The following CCDC171 variants were observed in gnomAD, a reference collection of about 807,000 sequenced individuals.
CCDC171 encodes the protein coiled-coil domain containing 171.
CCDC171 carries 177 observed loss-of-function variants against 168.2 expected under a neutral mutation model. That is an observed-to-expected ratio of 1.05 (90% CI 0.93 to 1.19). The LOEUF (loss-of-function observed/expected upper bound fraction) is 1.19, where lower values mean the gene tolerates loss of function less well. CCDC171 is among the 50% of genes most tolerant of loss of function. The pLI, the probability that CCDC171 is intolerant of heterozygous loss-of-function variation, is 0.00. For missense variants in CCDC171, 1,991 were observed against 1,539.0 expected (o/e 1.29, Z -4.91); for synonymous variants, 687 against 540.8 (o/e 1.27, Z -3.75).
intron 6 of CCDC171, among the ~76,000 whole-genome samples, chr9:15,597,116 T>A (rs2042431350): frequency 6.6e-6 from 1 of 152,062 alleles, no homozygotes; most frequent in Non-Finnish European, 1.5e-5. Flanking sequence ...CTTCCTCTTT[T>A]CCTAATTGAA....
chr9:15,591,224 C>T (rs948851175), intron 4 of CCDC171, 142 bp from the exon 5 acceptor site: 9 of 542,914 alleles, frequency 1.7e-5, no homozygotes, highest in Non-Finnish European at 2.6e-5. Flanking sequence ...GAAAGGTTTT[C>T]AAGAGTTTAC....
chr9:16,021,702 A>T (rs768686757), intron 4 of CCDC171, among the ~76,000 whole-genome samples: 2 of 152,252 alleles, frequency 1.3e-5, no homozygotes, highest in Non-Finnish European at 2.9e-5. Flanking sequence ...CAGAGTGGGT[A>T]TTCAATAAAT....
intron 21 of CCDC171, among the ~76,000 whole-genome samples, chr9:15,801,063 C>T (rs1372118209): frequency 6.6e-6 from 1 of 151,572 alleles, no homozygotes; most frequent in Non-Finnish European, 1.5e-5. Context: ...CAGTTTTGTT[C>T]TTTTTGCTCA....
intron 24 of CCDC171, among the ~76,000 whole-genome samples, chr9:15,902,001 C>G (rs1198144730): frequency 6.6e-6 from 1 of 152,026 alleles, no homozygotes; most frequent in African/African-American, 2.4e-5. Context: ...ATGCAATTTT[C>G]TTTCAAAAAA....
intron 3 of CCDC171, among the ~76,000 whole-genome samples, chr9:15,573,338 C>G (rs1301637093): frequency 6.6e-6 from 1 of 152,016 alleles, no homozygotes; most frequent in African/African-American, 2.4e-5. Flanking sequence ...TGCAGTGGAG[C>G]GATCTCGGCT....
chr9:15,611,768 C>G (rs543948843), intron 6 of CCDC171, among the ~76,000 whole-genome samples: 11 of 152,254 alleles, frequency 7.2e-5, no homozygotes, highest in East Asian at 3.9e-4. Context: ...GTGTAAAGTA[C>G]TGGTTATAGA....
intron 4 of CCDC171, among the ~76,000 whole-genome samples, chr9:15,585,328 TG>T (rs561967442): frequency 2.5e-4 from 38 of 152,250 alleles, no homozygotes; most frequent in African/African-American, 8.4e-4. Flanking sequence ...GGTCCAAAGT[TG>T]GGGAAAAAGA....
chr9:16,024,649 C>G (rs1279862848), intron 6 of CCDC171, among the ~76,000 whole-genome samples: 1 of 152,164 alleles, frequency 6.6e-6, no homozygotes, highest in Non-Finnish European at 1.5e-5. Flanking sequence ...AGCCAGCAAC[C>G]CAAGCAATTC....
chr9:15,745,465 T>A, intron 17 of CCDC171, 50 bp from the exon 18 acceptor site: 1 of 1,202,482 alleles, frequency 8.3e-7, no homozygotes. Flanking sequence ...TAAATATAGA[T>A]TTTAATAAAG....
At chr9:15,892,570 C>A (rs977426385) in intron 24 of CCDC171, among the ~76,000 whole-genome samples, 2 of 152,020 alleles carry the variant, frequency 1.3e-5, no homozygotes, top group East Asian at 3.8e-4. Context: ...TAATCTCAGA[C>A]CAAACCTTCT....
At chr9:15,841,915 A>G (rs373174803) in intron 21 of CCDC171, among the ~76,000 whole-genome samples, 1 of 152,122 alleles carries the variant, frequency 6.6e-6, no homozygotes, top group East Asian at 1.9e-4. Context: ...CTTGATTAAT[A>G]TAATTTTTTA....
chr9:15,971,093 C>T (rs1033622968), intron 25 of CCDC171, among the ~76,000 whole-genome samples: 8 of 151,904 alleles, frequency 5.3e-5, no homozygotes, highest in Non-Finnish European at 8.8e-5. Flanking sequence ...TCTTAGTATG[C>T]CATTTTCTAG....
intron 23 of CCDC171, among the ~76,000 whole-genome samples, chr9:15,858,614 G>A (rs2061433712): frequency 6.6e-6 from 1 of 151,892 alleles, no homozygotes; most frequent in African/African-American, 2.4e-5. Flanking sequence ...ACTTTTTAGT[G>A]TACAAGTCTT....
chr9:15,684,639 A>G (rs1319105148), intron 10 of CCDC171, among the ~76,000 whole-genome samples: 1 of 152,208 alleles, frequency 6.6e-6, no homozygotes, highest in South Asian at 2.1e-4. Context: ...CATAAAAAAG[A>G]GAAGATGATT....
chr9:15,563,294 C>G (rs2039464696), intron 1 of CCDC171, among the ~76,000 whole-genome samples: 1 of 151,874 alleles, frequency 6.6e-6, no homozygotes, highest in Non-Finnish European at 1.5e-5. Context: ...ATGTGCCACC[C>G]CGCCTGGCTA....
the CCDC171 span, among the ~76,000 whole-genome samples, chr9:16,098,914 C>T: frequency 1.3e-5 from 2 of 152,210 alleles, no homozygotes; most frequent in Admixed American, 6.5e-5. Flanking sequence ...ATTGAGACTG[C>T]TCTGAGGATT....
At chr9:15,631,065 A>G (rs1381229086) in intron 7 of CCDC171, among the ~76,000 whole-genome samples, 1 of 152,148 alleles carries the variant, frequency 6.6e-6, no homozygotes, top group Admixed American at 6.5e-5. Context: ...CACAAGAGAA[A>G]GCCGGAAAGA....
At chr9:15,608,625 C>A (rs190852180) in intron 6 of CCDC171, among the ~76,000 whole-genome samples, 15 of 150,864 alleles carry the variant, frequency 9.9e-5, no homozygotes, top group African/African-American at 3.4e-4. Context: ...TGCCTTTTTT[C>A]TTTTGGATTT....
At position 15,651,684 on chromosome 9, in the gene CCDC171, ACT is replaced by A. The variant is rs145312480; in HGVS notation, c.823-5440_823-5439del. Among the ~76,000 whole-genome samples, 238 of 151,356 alleles carry A rather than the reference ACT, an allele frequency of 1.6e-3. 5 individuals are homozygous for A. The East Asian group carries it at 0.027, about 17-fold the overall frequency. ...ATATTGCTGCAAATGACAGCATTTC[ACT>A]CTTTTTTTTATGGCCAAGTAGTATT... On this transcript the variant is annotated intron_variant, in intron 7 of 25. Coordinates refer to ENST00000380701, the MANE Select transcript of CCDC171 (RefSeq NM_173550.4).
Sources: gnomAD v4.1 joint callset for allele counts (sites outside exome capture counted in the v4.1 genomes callset) on GRCh38, gnomAD v4.1.1 for gene constraint, MANE v1.5 for transcripts, NCBI Gene and HGNC (gene_info 2026-07-23, HGNC 2026-07-21) for gene names.